Variants in SNTG1 observed in about 807,000 individuals in gnomAD.
The protein encoded by SNTG1 is gamma-1-syntrophin.
A neutral mutation model predicts 74.7 loss-of-function variants in SNTG1; 39 were observed. That is an observed-to-expected ratio of 0.52 (90% CI 0.40 to 0.68). The LOEUF (loss-of-function observed/expected upper bound fraction) is 0.68, where lower values mean the gene tolerates loss of function less well. Among genes scored for constraint, SNTG1 ranks in the 30% least tolerant of loss-of-function variants. The probability of loss-of-function intolerance (pLI) is 0.00; values close to 1 mark genes in which losing one functional copy is unlikely to be tolerated. For synonymous variants in SNTG1, 254 were observed against 217.1 expected, an observed-to-expected ratio of 1.17 and a Z score of -1.49; for missense variants, 685 against 609.5, an observed-to-expected ratio of 1.12 and a Z score of -1.30.
At chr8:50,395,654 C>A (rs1205380992) in intron 3 of SNTG1, among the ~76,000 whole-genome samples, 1 of 151,852 alleles carries the variant, frequency 6.6e-6, no homozygotes, top group South Asian at 2.1e-4. Context: ...CAGGTGCCTG[C>A]CACCACGCCA....
chr8:49,957,566 A>G (rs1400704740), intron 1 of SNTG1, among the ~76,000 whole-genome samples: 2 of 152,242 alleles, frequency 1.3e-5, no homozygotes, highest in African/African-American at 4.8e-5. Context: ...AGGATAGTCC[A>G]GCAGGAAAGA....
At chr8:50,765,559 A>C (rs2095611562) in intron 18 of SNTG1, among the ~76,000 whole-genome samples, 1 of 151,896 alleles carries the variant, frequency 6.6e-6, no homozygotes. Context: ...TTGTGATGAT[A>C]CTTAGGAAGA....
At chr8:50,631,558 G>T (rs1275781172) in intron 13 of SNTG1, among the ~76,000 whole-genome samples, 1 of 152,156 alleles carries the variant, frequency 6.6e-6, no homozygotes, top group East Asian at 1.9e-4. Context: ...ATTCAAGGGG[G>T]TGATCACATG....
At position 50,287,231 on chromosome 8, in the gene SNTG1, G is replaced by T. The variant is rs191142042; in HGVS notation, c.-27-106981G>T. Among the ~76,000 whole-genome samples the T allele has an allele frequency of 2.3e-4, 35 of 152,114 alleles. No homozygotes were observed. In the East Asian group the frequency reaches 5.8e-3, roughly 25 times the overall value. On this transcript the variant is annotated intron_variant, in intron 2 of 18. Transcript: ENST00000642720. ...ACTTACTGCCCCAACCATAAATCAG[G>T]TTAAGCTCTATCTCTCAAAATCTAG...
At chr8:49,926,557 A>G (rs562560339) in intron 1 of SNTG1, among the ~76,000 whole-genome samples, 66 of 152,244 alleles carry the variant, frequency 4.3e-4, no homozygotes, top group African/African-American at 1.5e-3. Context: ...ATGAGTCTAG[A>G]CATAGACCTT....
chr8:50,471,345 T>G (rs944712397), intron 8 of SNTG1, among the ~76,000 whole-genome samples: 3 of 152,100 alleles, frequency 2.0e-5, no homozygotes, highest in African/African-American at 7.2e-5. Flanking sequence ...ACTTATAGTC[T>G]ATGTAAATTA....
chr8:50,448,348 A>T (rs1323388159), intron 5 of SNTG1, among the ~76,000 whole-genome samples: 1 of 152,188 alleles, frequency 6.6e-6, no homozygotes, highest in Admixed American at 6.5e-5. Context: ...TTTTCTAAAA[A>T]ACTATTGACT....
intron 2 of SNTG1, among the ~76,000 whole-genome samples, chr8:50,302,703 T>C (rs918940786): frequency 5.3e-5 from 8 of 152,174 alleles, no homozygotes; most frequent in Non-Finnish European, 1.0e-4. Context: ...TCTCTCTGTC[T>C]TTCATACTCT....
chr8:50,008,882 C>T (rs1416381139), intron 1 of SNTG1, among the ~76,000 whole-genome samples: 1 of 152,106 alleles, frequency 6.6e-6, no homozygotes, highest in Non-Finnish European at 1.5e-5. Context: ...GTTGCAAAAT[C>T]AAATCAATAT....
intron 2 of SNTG1, among the ~76,000 whole-genome samples, chr8:50,301,862 G>A (rs1310160954): frequency 2.9e-5 from 3 of 105,104 alleles, no homozygotes; most frequent in Non-Finnish European, 6.6e-5. Flanking sequence ...TTTGTTTTTT[G>A]TTTTTTTTTT....
intron 13 of SNTG1, among the ~76,000 whole-genome samples, chr8:50,635,698 C>T (rs944409062): frequency 1.3e-5 from 2 of 152,146 alleles, no homozygotes; most frequent in African/African-American, 4.8e-5. Flanking sequence ...GGGAAGTGGG[C>T]TCCCCTCTGG....
intron 12 of SNTG1, among the ~76,000 whole-genome samples, chr8:50,589,827 T>G (rs576125052): frequency 1.3e-5 from 2 of 152,308 alleles, no homozygotes; most frequent in East Asian, 1.9e-4. Context: ...TGAAGGCATA[T>G]ATGAGTAGGT....
chr8:50,081,717 T>TC lies in SNTG1; in HGVS notation c.-102-90843dup, dbSNP rs1256612903. Among the ~76,000 whole-genome samples the TC allele has an allele frequency of 2.0e-5, 3 of 152,278 alleles. No homozygotes were observed. In the East Asian group the frequency reaches 5.8e-4, roughly 29 times the overall value. On this transcript the variant is annotated intron_variant, in intron 1 of 18. Transcript: ENST00000642720. ...GGTGCTATCTTGGCTCACTGCAACC[T>TC]CTGCCTCCCGAGTTCAAGTGATTCT...
At chr8:50,171,444 T>C (rs1776663042) in intron 1 of SNTG1, among the ~76,000 whole-genome samples, 1 of 152,094 alleles carries the variant, frequency 6.6e-6, no homozygotes, top group African/African-American at 2.4e-5. Flanking sequence ...AGTCTTTTCA[T>C]GGTTTTCTGC....
At chr8:50,354,228 A>G (rs1018928492) in intron 2 of SNTG1, among the ~76,000 whole-genome samples, 8 of 152,232 alleles carry the variant, frequency 5.3e-5, no homozygotes, top group Non-Finnish European at 7.3e-5. Flanking sequence ...TGTAAAAGTT[A>G]CAAACAATTC....
chr8:50,363,664 A>G (rs912192608), intron 2 of SNTG1, among the ~76,000 whole-genome samples: 2 of 152,188 alleles, frequency 1.3e-5, no homozygotes, highest in Non-Finnish European at 2.9e-5. Flanking sequence ...TAGATTGAAT[A>G]CAAACACTTT....
intron 1 of SNTG1, among the ~76,000 whole-genome samples, chr8:50,092,161 A>T (rs1182557676): frequency 6.6e-6 from 1 of 152,172 alleles, no homozygotes; most frequent in African/African-American, 2.4e-5. Flanking sequence ...AGCCTGGCCC[A>T]TCTGGTTAAG....
chr8:50,448,130 C>T (rs1306675034), intron 5 of SNTG1, among the ~76,000 whole-genome samples: 1 of 152,108 alleles, frequency 6.6e-6, no homozygotes, highest in African/African-American at 2.4e-5. Flanking sequence ...CCATTGTAAC[C>T]TACGCCAGTA....
At chr8:49,947,908 A>T (rs1809349888) in intron 1 of SNTG1, among the ~76,000 whole-genome samples, 1 of 152,172 alleles carries the variant, frequency 6.6e-6, no homozygotes, top group South Asian at 2.1e-4. Flanking sequence ...AGGTTGGCAG[A>T]TCACATGAGG....
Sources: allele counts gnomAD v4.1 joint callset (sites outside exome capture counted in the v4.1 genomes callset), GRCh38; gene constraint gnomAD v4.1.1; transcripts MANE v1.5; gene names NCBI Gene and HGNC (gene_info 2026-07-23, HGNC 2026-07-21).